The following SAMSN1 variants were observed in gnomAD, a reference collection of about 807,000 sequenced individuals.
SAMSN1 encodes the protein SAM domain-containing protein SAMSN-1.
Under a neutral mutation model 42.0 loss-of-function variants are expected in SAMSN1, and 31 were observed. That is an observed-to-expected ratio of 0.74 (90% confidence interval 0.55 to 1.00). The LOEUF (loss-of-function observed/expected upper bound fraction) is 1.00, where lower values mean the gene tolerates loss of function less well. Ranked by LOEUF, SAMSN1 falls within the 50% of genes least tolerant of loss-of-function variation. SAMSN1 has a pLI of 0.00. For synonymous variants in SAMSN1, 178 were observed against 151.9 expected, an observed-to-expected ratio of 1.17 and a Z score of -1.26; for missense variants, 464 against 439.4, an observed-to-expected ratio of 1.06 and a Z score of -0.50.
intron 1 of SAMSN1, among the ~76,000 whole-genome samples, chr21:14,545,389 A>G (rs1472730638): frequency 6.6e-6 from 1 of 152,170 alleles, no homozygotes; most frequent in Non-Finnish European, 1.5e-5. Context: ...TTATCTCAGA[A>G]AGAGACTAAA....
chr21:14,616,907 C>T, intron 2 of SAMSN1, among the ~76,000 whole-genome samples: 1 of 152,140 alleles, frequency 6.6e-6, no homozygotes, highest in Non-Finnish European at 1.5e-5. Context: ...ACAGCCTGGG[C>T]ACAGTGAAAT....
upstream of SAMSN1, among the ~76,000 whole-genome samples, chr21:14,659,273 A>T (rs1983962427): frequency 6.6e-6 from 1 of 152,014 alleles, no homozygotes; most frequent in Non-Finnish European, 1.5e-5. Context: ...TTTAAATGGC[A>T]AGATATGCAA....
intron 1 of SAMSN1, among the ~76,000 whole-genome samples, chr21:14,540,201 C>T (rs1290529006): frequency 6.6e-6 from 1 of 152,126 alleles, no homozygotes; most frequent in Non-Finnish European, 1.5e-5. Context: ...AGAAGAAAAC[C>T]TAGGCATTAC....
At chr21:14,495,780 G>C (rs1600859704) in intron 7 of SAMSN1, 1 of 152,316 alleles carries the variant, frequency 6.6e-6, no homozygotes, top group East Asian at 1.9e-4. Context: ...ACATGTTTCT[G>C]ATAGATGTAA....
chr21:14,583,053 T>A (rs550811967), intron 1 of SAMSN1, among the ~76,000 whole-genome samples: 1 of 152,230 alleles, frequency 6.6e-6, no homozygotes, highest in East Asian at 1.9e-4. Flanking sequence ...ACGACAAAAA[T>A]TTAAAAAAGC....
intron 1 of SAMSN1, among the ~76,000 whole-genome samples, chr21:14,541,304 TAAAAC>T (rs1181826944): frequency 3.6e-5 from 5 of 140,162 alleles, no homozygotes; most frequent in East Asian, 2.1e-4. Flanking sequence ...CAAAGACAGA[TAAAAC>T]AAACAAAATC....
At chr21:14,642,547 T>C (rs888776548) in intron 2 of SAMSN1, among the ~76,000 whole-genome samples, 2 of 152,196 alleles carry the variant, frequency 1.3e-5, no homozygotes, top group African/African-American at 4.8e-5. Context: ...TTGGCCATGG[T>C]GGAGCATTTA....
At chr21:14,601,797 GT>G (rs952615536) in intron 6 of SAMSN1, among the ~76,000 whole-genome samples, 1 of 152,092 alleles carries the variant, frequency 6.6e-6, no homozygotes, top group African/African-American at 2.4e-5. Context: ...ACAACATGAT[GT>G]TTTGCAAAAT....
At chr21:14,521,792 G>A (rs984471505) in intron 1 of SAMSN1, among the ~76,000 whole-genome samples, 4 of 151,994 alleles carry the variant, frequency 2.6e-5, no homozygotes, top group East Asian at 1.9e-4. Context: ...GGGTTGACAG[G>A]TGCAGCAAAA....
At chr21:14,650,817 A>C (rs1983821359) in intron 1 of SAMSN1, among the ~76,000 whole-genome samples, 1 of 152,094 alleles carries the variant, frequency 6.6e-6, no homozygotes, top group Non-Finnish European at 1.5e-5. Flanking sequence ...AGCCCAAATA[A>C]ATAAAATCAG....
intron 2 of SAMSN1, among the ~76,000 whole-genome samples, chr21:14,641,950 A>T: frequency 6.6e-6 from 1 of 152,198 alleles, no homozygotes; most frequent in Admixed American, 6.5e-5. Flanking sequence ...ATCGATACAC[A>T]TGTTGTATGT....
At chr21:14,540,464 C>T (rs1979940855) in intron 1 of SAMSN1, among the ~76,000 whole-genome samples, 1 of 152,122 alleles carries the variant, frequency 6.6e-6, no homozygotes, top group South Asian at 2.1e-4. Flanking sequence ...CAAACAACCC[C>T]ATCAAAAAGT....
intron 6 of SAMSN1, among the ~76,000 whole-genome samples, chr21:14,596,112 C>T (rs111677650): frequency 0.012 from 1,814 of 152,046 alleles, 28 homozygotes; most frequent in South Asian, 0.072. Context: ...CTTCTTTAAA[C>T]GTGAAAGTAC....
At chr21:14,573,880 A>G (rs1422052230) in intron 2 of SAMSN1, among the ~76,000 whole-genome samples, 1 of 152,202 alleles carries the variant, frequency 6.6e-6, no homozygotes, top group African/African-American at 2.4e-5. Flanking sequence ...TATTCCCTTA[A>G]GGGTATAACA....
intron 2 of SAMSN1, among the ~76,000 whole-genome samples, chr21:14,562,790 C>T (rs950402432): frequency 3.3e-5 from 5 of 152,002 alleles, no homozygotes; most frequent in East Asian, 1.9e-4. Context: ...AAGCATTCTC[C>T]AAGTAAGATC....
Position 14,486,037 on chromosome 21 carries a change from C to A in SAMSN1, c.997G>T (p.Asp333Tyr). ...DISLNKSQLD[D>Y]CPRDSGCYIS... ...TAGCAACCAGAGTCCCTTGGGCAGTCATCTAACTGTGACTTATTTAAGGAG... is the reference window on the plus strand; with the variant it reads ...TAGCAACCAGAGTCCCTTGGGCAGTAATCTAACTGTGACTTATTTAAGGAG... The change falls in exon 8 of 8, where the codon GAC becomes TAC. Residue 333 changes from aspartate (D) to tyrosine (Y), a missense_variant. Asp to Tyr is a radical substitution (Grantham distance 160, BLOSUM62 -3). Transcript: ENST00000400566. 1 of 1,613,708 alleles carries A rather than the reference C, an allele frequency of 6.2e-7. No homozygotes were observed. The highest frequency in any genetic ancestry group is 8.5e-7 in the Non-Finnish European group (1 of 1,179,728).
intron 1 of SAMSN1, among the ~76,000 whole-genome samples, chr21:14,541,096 A>C (rs1979991724): frequency 7.2e-6 from 1 of 138,282 alleles, no homozygotes; most frequent in African/African-American, 2.6e-5. Flanking sequence ...ACATCTGGAC[A>C]CAGGGCAGGG....
chr21:14,486,120 A>T lies in SAMSN1; in HGVS notation c.920-6T>A. On this transcript the variant is annotated splice_polypyrimidine_tract_variant and splice_region_variant and intron_variant, in intron 7 of 7. Coordinates refer to ENST00000400566, the MANE Select transcript of SAMSN1 (RefSeq NM_022136.5). ...ATTTTCTTGCTCTTGAATAACTGTA[A>T]ATGGAAAAAAAGGGCAGGAGTTAGG... The T allele has an allele frequency of 6.2e-7, 1 of 1,608,364 alleles. No individual in the cohort carries two copies. Among genetic ancestry groups the T allele is most frequent in the Non-Finnish European group, 8.5e-7 (1 of 1,175,736 alleles).
chr21:14,535,538 A>G (rs1204489998), intron 1 of SAMSN1, among the ~76,000 whole-genome samples: 1 of 152,198 alleles, frequency 6.6e-6, no homozygotes, highest in Non-Finnish European at 1.5e-5. Context: ...TGACTCCCAC[A>G]AATTCGTATG....
Sources: gnomAD v4.1 joint callset for allele counts (sites outside exome capture counted in the v4.1 genomes callset) on GRCh38, gnomAD v4.1.1 for gene constraint, MANE v1.5 for transcripts, NCBI Gene and HGNC (gene_info 2026-07-23, HGNC 2026-07-21) for gene names.